The following ASIC2 variants were observed in gnomAD, a reference collection of about 807,000 sequenced individuals.
ASIC2 encodes the protein acid sensing ion channel subunit 2, also known as acid-sensing ion channel 2.
In ASIC2, 25 loss-of-function variants were observed where a neutral mutation model predicts 57.3. The observed-to-expected ratio is 0.44, with a 90% CI of 0.32 to 0.61. The LOEUF is 0.61. Among genes scored for constraint, ASIC2 ranks in the 20% least tolerant of loss-of-function variants. The pLI is 0.06. For synonymous variants in ASIC2, 319 were observed against 307.5 expected, an observed-to-expected ratio of 1.04 and a Z score of -0.39; for missense variants, 641 against 738.1, an observed-to-expected ratio of 0.87 and a Z score of 1.52.
At chr17:33,117,218 G>T (rs151169163) in intron 1 of ASIC2, among the ~76,000 whole-genome samples, 1 of 151,708 alleles carries the variant, frequency 6.6e-6, no homozygotes, top group African/African-American at 2.4e-5. Flanking sequence ...TGTCACCCAG[G>T]CTGGAGTTCA....
At chr17:33,149,488 G>A (rs1322845284) in intron 1 of ASIC2, among the ~76,000 whole-genome samples, 1 of 152,184 alleles carries the variant, frequency 6.6e-6, no homozygotes, top group Admixed American at 6.5e-5. Context: ...TCATCATTGA[G>A]TGAAGAGGCT....
intron 1 of ASIC2, among the ~76,000 whole-genome samples, chr17:33,418,045 T>A (rs1597721556): frequency 1.6e-5 from 1 of 61,400 alleles, no homozygotes; most frequent in South Asian, 4.8e-4. Flanking sequence ...TGTGTGTGTG[T>A]GTGTGTGTGT....
intron 1 of ASIC2, among the ~76,000 whole-genome samples, chr17:34,115,893 T>C (rs7215015): frequency 0.027 from 4,104 of 152,240 alleles, 212 homozygotes; most frequent in African/African-American, 0.094. Flanking sequence ...TCCAAACACA[T>C]ATAACAATTT....
chr17:33,208,812 T>C (rs1597630529), intron 1 of ASIC2, among the ~76,000 whole-genome samples: 1 of 152,092 alleles, frequency 6.6e-6, no homozygotes, highest in Non-Finnish European at 1.5e-5. Context: ...TCAGTAAATA[T>C]CTGTTGAATG....
chr17:34,062,912 G>A (rs1020962557), intron 1 of ASIC2, among the ~76,000 whole-genome samples: 20 of 152,012 alleles, frequency 1.3e-4, no homozygotes, highest in African/African-American at 3.4e-4. Flanking sequence ...AGTACCAGAC[G>A]AATTCACAAC....
chr17:33,422,052 C>A (rs1257922229), intron 1 of ASIC2, among the ~76,000 whole-genome samples: 1 of 152,244 alleles, frequency 6.6e-6, no homozygotes, highest in African/African-American at 2.4e-5. Context: ...CCTGTTCTAG[C>A]ACTTCAACAT....
At chr17:33,408,417 A>C (rs1910541381) in intron 1 of ASIC2, among the ~76,000 whole-genome samples, 1 of 152,216 alleles carries the variant, frequency 6.6e-6, no homozygotes, top group Non-Finnish European at 1.5e-5. Flanking sequence ...TAGTGAAAAG[A>C]GGCCAGACGT....
intron 3 of ASIC2, among the ~76,000 whole-genome samples, chr17:33,063,568 A>G (rs1270637553): frequency 2.0e-5 from 3 of 152,120 alleles, no homozygotes; most frequent in African/African-American, 4.8e-5. Flanking sequence ...TGGGTAACCC[A>G]ACCTTTCTCT....
intron 1 of ASIC2, among the ~76,000 whole-genome samples, chr17:33,880,649 T>C (rs960511439): frequency 6.6e-5 from 10 of 152,242 alleles, no homozygotes; most frequent in African/African-American, 1.9e-4. Context: ...CAGGACCATA[T>C]GGATTCACAG....
chr17:33,913,875 C>T (rs1915525148), intron 1 of ASIC2, among the ~76,000 whole-genome samples: 2 of 152,312 alleles, frequency 1.3e-5, no homozygotes, highest in South Asian at 4.1e-4. Context: ...TTAATACACA[C>T]AATCTCATTT....
chr17:33,850,735 T>G (rs1913741684), intron 1 of ASIC2, among the ~76,000 whole-genome samples: 1 of 152,122 alleles, frequency 6.6e-6, no homozygotes, highest in South Asian at 2.1e-4. Flanking sequence ...CTGTTTCAGG[T>G]GCTATGCATT....
intron 1 of ASIC2, among the ~76,000 whole-genome samples, chr17:34,099,196 G>GA (rs1370959230): frequency 1.1e-5 from 1 of 89,370 alleles, no homozygotes; most frequent in Admixed American, 1.3e-4. Context: ...AAGAAAGAAA[G>GA]AAAGAAAGAA....
chr17:33,041,064 C>T (rs2091928135), intron 3 of ASIC2, among the ~76,000 whole-genome samples: 1 of 152,174 alleles, frequency 6.6e-6, no homozygotes, highest in South Asian at 2.1e-4. Context: ...GCCCCTCCCG[C>T]TACCATCTTG....
At chr17:33,666,308 T>A (rs745698304) in intron 1 of ASIC2, among the ~76,000 whole-genome samples, 7 of 152,058 alleles carry the variant, frequency 4.6e-5, no homozygotes, top group Non-Finnish European at 1.0e-4. Flanking sequence ...AAAGGAAACG[T>A]TAAAACAAAA....
intron 1 of ASIC2, among the ~76,000 whole-genome samples, chr17:33,473,835 A>G (rs760071624): frequency 1.9e-4 from 29 of 151,788 alleles, no homozygotes; most frequent in Admixed American, 1.6e-3. Flanking sequence ...TCTTTGCTCC[A>G]AAGATCCCAA....
chr17:33,275,788 A>C (rs1904679342), intron 1 of ASIC2, among the ~76,000 whole-genome samples: 2 of 152,346 alleles, frequency 1.3e-5, no homozygotes, highest in South Asian at 2.1e-4. Context: ...TGTATGCAGC[A>C]CAGGGAAGAC....
At chr17:33,043,191 C>CT (rs1270711030) in intron 3 of ASIC2, among the ~76,000 whole-genome samples, 6 of 152,196 alleles carry the variant, frequency 3.9e-5, no homozygotes, top group African/African-American at 1.4e-4. Context: ...TCCTAAAGTG[C>CT]TGGGATTACA....
At chr17:33,607,752 C>G (rs140494581) in intron 1 of ASIC2, among the ~76,000 whole-genome samples, 114 of 152,266 alleles carry the variant, frequency 7.5e-4, no homozygotes, top group African/African-American at 2.3e-3. Flanking sequence ...CTTTGGACCA[C>G]TCACTACAGA....
chr17:33,755,016 T>TATA (rs34398174), intron 1 of ASIC2, among the ~76,000 whole-genome samples: 50,058 of 148,716 alleles, frequency 0.34, 10,366 homozygotes, highest in Non-Finnish European at 0.49. Flanking sequence ...TGTTGCCTTG[T>TATA]ATAACAAAAA....
Sources: gnomAD v4.1 joint callset for allele counts (sites outside exome capture counted in the v4.1 genomes callset) on GRCh38, gnomAD v4.1.1 for gene constraint, MANE v1.5 for transcripts, NCBI Gene and HGNC (gene_info 2026-07-23, HGNC 2026-07-21) for gene names.